TNKS: variants seen among roughly 807,000 people sequenced by gnomAD.
The protein encoded by TNKS is tankyrase, also known as poly [ADP-ribose] polymerase tankyrase-1.
In TNKS, 72 loss-of-function variants were observed where a neutral mutation model predicts 135.8. That is an observed-to-expected ratio of 0.53 (90% CI 0.44 to 0.64). The LOEUF (loss-of-function observed/expected upper bound fraction) is 0.64. Among genes scored for constraint, TNKS ranks in the 30% least tolerant of loss-of-function variants. The pLI is 0.00. For missense variants in TNKS, 1,769 were observed against 1,674.0 expected (o/e 1.06, Z -0.99); for synonymous variants, 849 against 649.3 (o/e 1.31, Z -4.68).
intron 24 of TNKS, 102 bp from the exon 25 acceptor site, chr8:9,766,137 A>C (rs1328254550): frequency 3.1e-6 from 3 of 965,390 alleles, no homozygotes; most frequent in Non-Finnish European, 3.0e-6. Context: ...TTTATACACC[A>C]TTCATTTCTT....
intron 3 of TNKS, among the ~76,000 whole-genome samples, chr8:9,679,111 G>C (rs1200673036): frequency 5.9e-5 from 9 of 152,054 alleles, no homozygotes; most frequent in Non-Finnish European, 1.2e-4. Context: ...TTCATCATTT[G>C]ATATATTTTT....
At position 9,564,364 on chromosome 8, in the gene TNKS, A is replaced by G. The variant is rs76221859; in HGVS notation, c.673+7752A>G. On this transcript the variant is annotated intron_variant, in intron 1 of 26. Coordinates refer to ENST00000310430, the MANE Select transcript of TNKS (RefSeq NM_003747.3). ...TATCATCAAAGGTCGAGTTGTGAGC[A>G]TAAATATGTTAAAAAAAAAAATCTC... 7.0e-3 allele frequency among the ~76,000 whole-genome samples: 1,062 copies of G among 152,172 alleles called. 14 individuals are homozygous for G. Among genetic ancestry groups the G allele is most frequent in the African/African-American group, 0.025 (1,019 of 41,546 alleles).
chr8:9,570,785 A>T (rs111277626), intron 1 of TNKS, among the ~76,000 whole-genome samples: 1 of 152,118 alleles, frequency 6.6e-6, no homozygotes, highest in African/African-American at 2.4e-5. Flanking sequence ...TTCTCAGGGT[A>T]TGCTCAGGCT....
intron 14 of TNKS, among the ~76,000 whole-genome samples, chr8:9,732,579 TAAA>T (rs35951542): frequency 2.3e-5 from 3 of 129,820 alleles, no homozygotes; most frequent in Admixed American, 7.6e-5. Flanking sequence ...ATCCCAAAAC[TAAA>T]AAAAAAAAAA....
At chr8:9,637,670 A>G (rs1331435558) in intron 3 of TNKS, among the ~76,000 whole-genome samples, 1 of 152,174 alleles carries the variant, frequency 6.6e-6, no homozygotes, top group Non-Finnish European at 1.5e-5. Context: ...TTGTTTACAA[A>G]ATAAGTCTTC....
At chr8:9,749,781 C>G (rs951630711) in intron 18 of TNKS, among the ~76,000 whole-genome samples, 1 of 152,148 alleles carries the variant, frequency 6.6e-6, no homozygotes, top group Non-Finnish European at 1.5e-5. Flanking sequence ...CTGTACATAG[C>G]CTCTGTAGCT....
At chr8:9,569,888 A>G (rs1413634582) in intron 1 of TNKS, among the ~76,000 whole-genome samples, 1 of 152,002 alleles carries the variant, frequency 6.6e-6, no homozygotes. Flanking sequence ...TAAGCTTTTG[A>G]AATCTATTGC....
intron 3 of TNKS, among the ~76,000 whole-genome samples, chr8:9,657,235 TGGCCGGGCGGGG>T (rs1801424638): frequency 8.0e-6 from 1 of 125,156 alleles, no homozygotes; most frequent in African/African-American, 2.9e-5. Context: ...ACGGGGCGGC[TGGCCGGGCGGGG>T]GGCCGACCCC....
intron 5 of TNKS, among the ~76,000 whole-genome samples, chr8:9,681,689 C>G (rs1274632214): frequency 2.0e-5 from 3 of 152,000 alleles, no homozygotes; most frequent in African/African-American, 7.2e-5. Flanking sequence ...AATGTTACGG[C>G]AAATATCAGG....
At chr8:9,623,951 G>A (rs1007564900) in intron 3 of TNKS, among the ~76,000 whole-genome samples, 2 of 152,068 alleles carry the variant, frequency 1.3e-5, no homozygotes, top group Non-Finnish European at 2.9e-5. Context: ...GCAGTGAACC[G>A]AGATCATGCC....
chr8:9,666,381 G>T (rs1046080834), intron 3 of TNKS, among the ~76,000 whole-genome samples: 8 of 152,140 alleles, frequency 5.3e-5, no homozygotes, highest in Non-Finnish European at 1.2e-4. Flanking sequence ...TATATAAAGA[G>T]ATTAATTTAT....
At chr8:9,699,693 C>A (rs1803704797) in intron 5 of TNKS, among the ~76,000 whole-genome samples, 1 of 152,164 alleles carries the variant, frequency 6.6e-6, no homozygotes, top group South Asian at 2.1e-4. Flanking sequence ...ATGCTGCTGC[C>A]ACTTTGCTGA....
At chr8:9,656,017 A>T (rs1801349972) in intron 3 of TNKS, among the ~76,000 whole-genome samples, 1 of 152,226 alleles carries the variant, frequency 6.6e-6, no homozygotes, top group South Asian at 2.1e-4. Context: ...CAAATGGCTA[A>T]CTAGAATAAC....
chr8:9,747,268 C>CA (rs994249217), intron 17 of TNKS, among the ~76,000 whole-genome samples: 2 of 141,472 alleles, frequency 1.4e-5, no homozygotes, highest in Admixed American at 7.0e-5. Flanking sequence ...TTCCCCCCCT[C>CA]AAAAAAATGT....
At chr8:9,622,946 T>C (rs1308177057) in intron 3 of TNKS, among the ~76,000 whole-genome samples, 2 of 152,210 alleles carry the variant, frequency 1.3e-5, no homozygotes, top group African/African-American at 4.8e-5. Context: ...TACATACCTG[T>C]AATAAAGTTT....
chr8:9,580,167 A>T lies in TNKS; in HGVS notation c.682A>T (p.Arg228Trp). 4 of 1,614,060 alleles carry T rather than the reference A, an allele frequency of 2.5e-6. No homozygotes were observed. Among genetic ancestry groups the T allele is most frequent in the Non-Finnish European group, 3.4e-6 (4 of 1,179,964 alleles). ...TTTTCGTTTCTTTTTAGGTTTTGGA[A>T]GGAAGGATGTTGTAGAACACTTACT... ...SPLHFAAGFG[R>W]KDVVEHLLQM... Residue 228 changes from arginine (R) to tryptophan (W), a missense_variant, in exon 2 of 27, where the codon AGG becomes TGG. Physicochemically the swap from Arg to Trp is moderately radical, Grantham distance 101. Around this residue, in one of 5 missense-constraint regions of TNKS, gnomAD observed 5 missense variants for 18.9 expected, o/e 0.26. Transcript: ENST00000310430.
At chr8:9,749,579 A>G (rs915566274) in intron 18 of TNKS, among the ~76,000 whole-genome samples, 1 of 150,202 alleles carries the variant, frequency 6.7e-6, no homozygotes, top group Non-Finnish European at 1.5e-5. Flanking sequence ...GATTCAAGCC[A>G]TCCTCGTATC....
intron 5 of TNKS, among the ~76,000 whole-genome samples, chr8:9,701,743 G>A (rs1367101666): frequency 6.6e-6 from 1 of 152,206 alleles, no homozygotes; most frequent in African/African-American, 2.4e-5. Context: ...GGAAAACCAG[G>A]AGGAACCTGA....
At chr8:9,675,764 C>T (rs547192773) in intron 3 of TNKS, among the ~76,000 whole-genome samples, 49 of 152,216 alleles carry the variant, frequency 3.2e-4, no homozygotes, top group African/African-American at 1.1e-3. Context: ...TTTGTGCTCA[C>T]ATTTTAGCCT....
Sources: gnomAD v4.1 joint callset for allele counts (sites outside exome capture counted in the v4.1 genomes callset) on GRCh38, gnomAD v4.1.1 for gene constraint, gnomAD v4.1.1 regional missense constraint, MANE v1.5 for transcripts, NCBI Gene and HGNC (gene_info 2026-07-23, HGNC 2026-07-21) for gene names.